The following MDGA2 variants were observed in gnomAD, a reference collection of about 807,000 sequenced individuals.
The protein encoded by MDGA2 is MAM domain-containing glycosylphosphatidylinositol anchor protein 2.
Under a neutral mutation model 117.8 loss-of-function variants are expected in MDGA2, and 40 were observed. That is an observed-to-expected ratio of 0.34 (90% confidence interval 0.26 to 0.44). The LOEUF is 0.44. Among genes scored for constraint, MDGA2 ranks in the 20% least tolerant of loss-of-function variants. The probability of loss-of-function intolerance (pLI) is 1.00; values close to 1 mark genes in which losing one functional copy is unlikely to be tolerated. For synonymous variants in MDGA2, 452 were observed against 439.0 expected (o/e 1.03, Z -0.37); for missense variants, 1,123 against 1,250.6 (o/e 0.90, Z 1.54).
At position 47,563,578 on chromosome 14, in the gene MDGA2, G is replaced by GTTT. The variant is rs56244321; in HGVS notation, c.280+110936_280+110938dup. On this transcript the variant is annotated intron_variant, in intron 1 of 16. Coordinates refer to ENST00000399232, the MANE Select transcript of MDGA2 (RefSeq NM_001113498.3). ...AGAATAGCAACCCCTGCTTTTTTCT[G>GTTT]TTTTTTTTTTTTTTTTTTTTTTTTT... is the stretch of plus-strand genomic sequence containing the variant. Among the ~76,000 whole-genome samples the GTTT allele has an allele frequency of 4.8e-3, 271 of 56,832 alleles. 17 individuals are homozygous for GTTT. Among genetic ancestry groups the GTTT allele is most frequent in the African/African-American group, 7.6e-3 (80 of 10,516 alleles). 37.3% of individuals were successfully genotyped at this position (56,832 alleles called of 152,430 possible).
intron 1 of MDGA2, among the ~76,000 whole-genome samples, chr14:47,537,606 A>C (rs1455963188): frequency 4.4e-5 from 6 of 137,820 alleles, no homozygotes; most frequent in African/African-American, 1.6e-4. Context: ...AAAAAAAAAA[A>C]AAAAAAAACT....
chr14:46,858,540 G>A (rs1881376856), intron 14 of MDGA2, among the ~76,000 whole-genome samples: 1 of 148,808 alleles, frequency 6.7e-6, no homozygotes, highest in Non-Finnish European at 1.5e-5. Context: ...CCATTCTCCT[G>A]CCTCAGCCTC....
At chr14:47,350,310 T>C (rs1039740307) in intron 1 of MDGA2, among the ~76,000 whole-genome samples, 3 of 152,076 alleles carry the variant, frequency 2.0e-5, no homozygotes, top group Non-Finnish European at 4.4e-5. Flanking sequence ...ATTTTCTGGG[T>C]GGAGTAATAT....
intron 5 of MDGA2, among the ~76,000 whole-genome samples, chr14:47,126,177 T>C (rs1360434893): frequency 6.6e-6 from 1 of 152,012 alleles, no homozygotes; most frequent in Non-Finnish European, 1.5e-5. Context: ...TCATGGCAAT[T>C]TGAATTTATG....
intron 1 of MDGA2, among the ~76,000 whole-genome samples, chr14:47,602,492 A>G (rs1896666563): frequency 1.3e-5 from 2 of 152,310 alleles, no homozygotes; most frequent in East Asian, 3.9e-4. Flanking sequence ...AATTTTTCTA[A>G]AAACAACAGG....
At position 46,882,234 on chromosome 14, in the gene MDGA2, C is replaced by G; in HGVS notation, c.2239-13G>C. On this transcript the variant is annotated splice_polypyrimidine_tract_variant and intron_variant, in intron 10 of 16. Coordinates refer to ENST00000399232, the MANE Select transcript of MDGA2 (RefSeq NM_001113498.3). Reference sequence around the variant, plus strand: ...GCTGCTGTCCAGCCTGAAATCAAAACAATAATAGAATAATGTTCCCAGTAT... The same window carrying G: ...GCTGCTGTCCAGCCTGAAATCAAAAGAATAATAGAATAATGTTCCCAGTAT... The G allele has an allele frequency of 6.2e-7, 1 of 1,600,464 alleles. No homozygotes were observed. The highest frequency in any genetic ancestry group is 8.5e-7 in the Non-Finnish European group (1 of 1,173,376).
At chr14:47,277,657 G>A (rs1888349797) in intron 2 of MDGA2, among the ~76,000 whole-genome samples, 1 of 152,082 alleles carries the variant, frequency 6.6e-6, no homozygotes, top group Non-Finnish European at 1.5e-5. Context: ...AAGCATATAG[G>A]TCACTTGGAC....
intron 1 of MDGA2, among the ~76,000 whole-genome samples, chr14:47,395,071 T>A (rs1891978518): frequency 6.6e-6 from 1 of 152,046 alleles, no homozygotes. Flanking sequence ...AGGAGGACAG[T>A]TTGAGCCCAG....
At position 47,386,407 on chromosome 14, in the gene MDGA2, G is replaced by A. The variant is rs1165625679; in HGVS notation, c.281-84857C>T. Among the ~76,000 whole-genome samples, 10 of 152,176 alleles carry A rather than the reference G, an allele frequency of 6.6e-5. No homozygotes were observed. The East Asian group carries it at 7.7e-4, about 12-fold the overall frequency. ...AAATTAAACCACTGACTGATAACAC[G>A]TAGTTAACAAAGACATAATCATCAT... On this transcript the variant is annotated intron_variant, in intron 1 of 16. Transcript: ENST00000399232.
chr14:47,024,097 A>C (rs1888387188), intron 8 of MDGA2, among the ~76,000 whole-genome samples: 5 of 152,202 alleles, frequency 3.3e-5, no homozygotes. Flanking sequence ...ACAGATAGAC[A>C]GGTGGATGGA....
rs1225981074 is a variant in MDGA2, at chr14:47,119,169, G to GCTC, written c.925+12544_925+12545insGAG. ...GGGTTCACGCCATTCTCCTGCCTCA[G>GCTC]CCCCGCCCCCCCCCCCCCACCCCGT... is the stretch of plus-strand genomic sequence containing the variant. On this transcript the variant is annotated intron_variant, in intron 5 of 16. Coordinates refer to ENST00000399232, the MANE Select transcript of MDGA2 (RefSeq NM_001113498.3). 8.8e-4 allele frequency among the ~76,000 whole-genome samples: 17 copies of GCTC among 19,382 alleles called. 1 individual carries two copies. Among genetic ancestry groups the GCTC allele is most frequent in the East Asian group, 8.4e-3 (3 of 358 alleles). 12.7% of individuals were successfully genotyped at this position (19,382 alleles called of 152,430 possible). A position where few individuals can be genotyped will look rare whatever the true frequency, so the allele number is the denominator to read the frequency against.
At chr14:46,873,012 G>A (rs1298273349) in intron 14 of MDGA2, among the ~76,000 whole-genome samples, 5 of 151,880 alleles carry the variant, frequency 3.3e-5, no homozygotes, top group African/African-American at 2.4e-5. Flanking sequence ...TCACACCAAC[G>A]TTTCAAATAT....
chr14:47,282,410 T>G (rs1888522911), intron 2 of MDGA2, among the ~76,000 whole-genome samples: 1 of 152,082 alleles, frequency 6.6e-6, no homozygotes, highest in Non-Finnish European at 1.5e-5. Context: ...TAGGGTGTGG[T>G]GGCTCACGCC....
intron 4 of MDGA2, among the ~76,000 whole-genome samples, chr14:47,138,028 C>G (rs879876241): frequency 1.3e-5 from 2 of 152,114 alleles, no homozygotes; most frequent in East Asian, 1.9e-4. Flanking sequence ...AAATTTTGAG[C>G]CTTACCTTCT....
At chr14:47,168,503 T>C (rs1007796097) in intron 3 of MDGA2, among the ~76,000 whole-genome samples, 1 of 152,034 alleles carries the variant, frequency 6.6e-6, no homozygotes, top group African/African-American at 2.4e-5. Context: ...GTTTTTCTTT[T>C]GCTCGAGTTC....
chr14:47,238,782 T>A lies in MDGA2; in HGVS notation c.421-20587A>T, dbSNP rs779925738. ...AGATATATTCATTAATTTCTCCACATATAATGATGTAAAAACAAAATAAAA... is the reference window on the plus strand; with the variant it reads ...AGATATATTCATTAATTTCTCCACAAATAATGATGTAAAAACAAAATAAAA... On this transcript the variant is annotated intron_variant, in intron 2 of 16. Transcript: ENST00000399232. Among the ~76,000 whole-genome samples the A allele has an allele frequency of 8.8e-4, 134 of 151,838 alleles. 3 individuals carry two copies. Among genetic ancestry groups the A allele is most frequent in the Non-Finnish European group, 1.5e-3 (103 of 67,782 alleles).
At chr14:47,087,912 CT>C (rs1409885416) in intron 6 of MDGA2, among the ~76,000 whole-genome samples, 19 of 151,562 alleles carry the variant, frequency 1.3e-4, no homozygotes, top group African/African-American at 2.9e-4. Flanking sequence ...CCAGTGCCGA[CT>C]TTTAGAGCAC....
At chr14:47,357,873 G>A (rs565068504) in intron 1 of MDGA2, among the ~76,000 whole-genome samples, 1 of 152,240 alleles carries the variant, frequency 6.6e-6, no homozygotes, top group South Asian at 2.1e-4. Context: ...AACTTTAGGG[G>A]GACTCAATGC....
At chr14:47,150,694 CA>C (rs1883126489) in intron 3 of MDGA2, among the ~76,000 whole-genome samples, 1 of 152,086 alleles carries the variant, frequency 6.6e-6, no homozygotes, top group Admixed American at 6.5e-5. Context: ...AAGGCCAAGG[CA>C]GGTGGATCAC....
Sources: gnomAD v4.1 joint callset for allele counts (sites outside exome capture counted in the v4.1 genomes callset) on GRCh38, gnomAD v4.1.1 for gene constraint, MANE v1.5 for transcripts, NCBI Gene and HGNC (gene_info 2026-07-23, HGNC 2026-07-21) for gene names.